The following GRAMD2A variants were observed in gnomAD, a reference collection of about 807,000 sequenced individuals.
GRAMD2A encodes GRAM domain-containing protein 2A.
A neutral mutation model predicts 51.1 loss-of-function variants in GRAMD2A; 37 were observed. That is an observed-to-expected ratio of 0.72 (90% confidence interval 0.56 to 0.95). GRAMD2A has a LOEUF of 0.95. Among genes scored for constraint, GRAMD2A ranks in the 40% least tolerant of loss-of-function variants. GRAMD2A has a pLI of 0.00. For missense variants in GRAMD2A, 414 were observed against 426.9 expected (o/e 0.97, Z 0.27); for synonymous variants, 136 against 157.1 (o/e 0.87, Z 1.01).
chr15:72,170,056 T>G lies in GRAMD2A; in HGVS notation c.42-117A>C, dbSNP rs2140548462. 1 of 786,572 alleles carries G rather than the reference T, an allele frequency of 1.3e-6. No homozygotes were observed. Among genetic ancestry groups the G allele is most frequent in the Non-Finnish European group, 2.3e-6 (1 of 433,710 alleles). The allele number at this position is 786,572 out of a possible 1,614,324, so 48.7% of individuals were successfully genotyped here. A position where few individuals can be genotyped will look rare whatever the true frequency, so the allele number is the denominator to read the frequency against. On this transcript the variant is annotated intron_variant, in intron 1 of 11. Transcript: ENST00000309731. This position sits in a 1 kb window ranked among gnomAD's most constrained non-coding sequence, Gnocchi z 4.5. ...CCCCACCCAAGACTGGCCCTGATAT[T>G]GAGGGTGACACTGAAAATGTCACAG...
intron 1 of GRAMD2A, among the ~76,000 whole-genome samples, chr15:72,189,829 T>G (rs1272167985): frequency 6.6e-6 from 1 of 152,200 alleles, no homozygotes; most frequent in Non-Finnish European, 1.5e-5. Flanking sequence ...GAGCAAGAAT[T>G]TGAACCCAGG....
intron 4 of GRAMD2A, among the ~76,000 whole-genome samples, chr15:72,168,096 C>T (rs1244544748): frequency 1.3e-5 from 2 of 152,188 alleles, no homozygotes; most frequent in African/African-American, 2.4e-5. Context: ...AGGGTCCAGG[C>T]AAGTTCCTGC....
At chr15:72,190,235 C>T (rs550894985) in intron 1 of GRAMD2A, among the ~76,000 whole-genome samples, 7 of 152,130 alleles carry the variant, frequency 4.6e-5, no homozygotes, top group East Asian at 1.9e-4. Flanking sequence ...AAAAAATAGC[C>T]GGGCGTGGTG....
At chr15:72,168,820 C>A in intron 3 of GRAMD2A, 119 bp downstream of exon 3, 1 of 922,126 alleles carries the variant, frequency 1.1e-6, no homozygotes, top group Non-Finnish European at 1.8e-6. Context: ...GGGATACACA[C>A]TCAGGTCTCC....
chr15:72,165,734 G>A (rs2081535638), intron 7 of GRAMD2A, among the ~76,000 whole-genome samples: 1 of 152,136 alleles, frequency 6.6e-6, no homozygotes, highest in African/African-American at 2.4e-5. Flanking sequence ...CCTGGACATA[G>A]AGACGGTCCC....
intron 1 of GRAMD2A, among the ~76,000 whole-genome samples, chr15:72,179,959 G>A (rs1228930993): frequency 6.6e-6 from 1 of 152,132 alleles, no homozygotes; most frequent in Non-Finnish European, 1.5e-5. Context: ...TCTACACCTG[G>A]GCCACACCCA....
At position 72,166,812 on chromosome 15, in the gene GRAMD2A, G is replaced by C. The variant is rs2081550971; in HGVS notation, c.472-109C>G. 2 of 1,046,992 alleles carry C rather than the reference G, an allele frequency of 1.9e-6. No individual in the cohort carries two copies. Among genetic ancestry groups the C allele is most frequent in the Non-Finnish European group, 2.9e-6 (2 of 679,682 alleles). 64.9% of individuals were successfully genotyped at this position (1,046,992 alleles called of 1,614,324 possible). A position where few individuals can be genotyped will look rare whatever the true frequency, so the allele number is the denominator to read the frequency against. On this transcript the variant is annotated intron_variant, in intron 6 of 11. Coordinates refer to ENST00000309731, the MANE Select transcript of GRAMD2A (RefSeq NM_001012642.3). The surrounding 1 kb of genome is among the most constrained non-coding windows in gnomAD (Gnocchi z 4.1). ...CAGGCCCACAGGGGTATCAGGCCAT[G>C]AGAGCCAACAGAAGCTCTGCCTAGG...
At chr15:72,169,368 G>T in intron 2 of GRAMD2A, 1 of 463,628 alleles carries the variant, frequency 2.2e-6, no homozygotes. Context: ...AGGCAGTGCT[G>T]GAATAGGGAC....
At position 72,170,687 on chromosome 15, in the gene GRAMD2A, C is replaced by T. The variant is rs907393791; in HGVS notation, c.42-748G>A. 9.2e-5 allele frequency among the ~76,000 whole-genome samples: 14 copies of T among 152,298 alleles called. No homozygotes were observed. The highest frequency in any genetic ancestry group is 3.4e-3 in the Middle Eastern group (1 of 294). ...AAAGAATCATTACCCTGTTCCTGCT[C>T]CTCCAGGCTACACATCAATAAAGCC... On this transcript the variant is annotated intron_variant, in intron 1 of 11. Coordinates refer to ENST00000309731, the MANE Select transcript of GRAMD2A (RefSeq NM_001012642.3). This position sits in a 1 kb window ranked among gnomAD's most constrained non-coding sequence, Gnocchi z 4.5.
At chr15:72,167,609 C>T in intron 5 of GRAMD2A, 127 bp downstream of exon 5, 1 of 757,996 alleles carries the variant, frequency 1.3e-6, no homozygotes, top group South Asian at 1.5e-5. Context: ...GCTGCGCATC[C>T]AACCAGCAAG....
intron 2 of GRAMD2A, 191 bp from the exon 3 acceptor site, chr15:72,169,187 G>A (rs1688851125): frequency 1.6e-6 from 1 of 615,640 alleles, no homozygotes; most frequent in Non-Finnish European, 2.9e-6. Context: ...TCATCCCTGG[G>A]GGAGGGCACT....
Position 72,197,745 on chromosome 15 carries a change from G to A in GRAMD2A, c.27C>T (p.Ala9=), listed in dbSNP as rs753469456. The change falls in exon 1 of 12, where the codon GCC becomes GCT. Residue 9 remains alanine, a synonymous_variant. Transcript: ENST00000309731. ...CAACCCCTTACCCGCCCTCCTCGGT[G>A]GCCTCGCTCCGGCTTAAAGCGGTCA... MTALSRSE[A]TEEGGNQQMH... The A allele has an allele frequency of 7.5e-7, 1 of 1,337,614 alleles. No homozygotes were observed. The allele number at this position is 1,337,614 out of a possible 1,614,324, so 82.9% of individuals were successfully genotyped here.
chr15:72,163,183 G>T, intron 10 of GRAMD2A, 83 bp downstream of exon 10: 3 of 937,798 alleles, frequency 3.2e-6, no homozygotes, highest in African/African-American at 1.6e-5. Context: ...TCTGAATAGT[G>T]AATTCCCCAC....
At position 72,193,232 on chromosome 15, in the gene GRAMD2A, C is replaced by CT. The variant is rs1233869892; in HGVS notation, c.41+4498dup. Among the ~76,000 whole-genome samples the CT allele has an allele frequency of 5.2e-3, 749 of 144,770 alleles. 2 individuals are homozygous for CT. Among genetic ancestry groups the CT allele is most frequent in the Non-Finnish European group, 7.9e-3 (520 of 65,648 alleles). 95.0% of individuals were successfully genotyped at this position (144,770 alleles called of 152,430 possible). A position where few individuals can be genotyped will look rare whatever the true frequency, so the allele number is the denominator to read the frequency against. ...AGTCCTAAATGATGACCAATCATTT[C>CT]TTTTTTTTTTTTCATTCTTGTTGCC... On this transcript the variant is annotated intron_variant, in intron 1 of 11. Transcript: ENST00000309731.
At chr15:72,164,191 A>G (rs1567080857) in intron 8 of GRAMD2A, among the ~76,000 whole-genome samples, 1 of 152,178 alleles carries the variant, frequency 6.6e-6, no homozygotes, top group Admixed American at 6.5e-5. Context: ...GGCACATGGT[A>G]TTATGCATAT....
At chr15:72,184,603 C>T (rs1452167043) in intron 1 of GRAMD2A, among the ~76,000 whole-genome samples, 1 of 152,240 alleles carries the variant, frequency 6.6e-6, no homozygotes, top group African/African-American at 2.4e-5. Flanking sequence ...CCTGCCAACT[C>T]GGCTCCCCCA....
At chr15:72,176,313 C>G (rs1596690428) in intron 1 of GRAMD2A, among the ~76,000 whole-genome samples, 1 of 152,350 alleles carries the variant, frequency 6.6e-6, no homozygotes, top group East Asian at 1.9e-4. Flanking sequence ...CAAATCTCAG[C>G]CGGGCCTGCG....
chr15:72,168,583 T>C lies in GRAMD2A; in HGVS notation c.193-17A>G. 6.2e-7 allele frequency: 1 copy of C among 1,610,268 alleles called. No homozygotes were observed. Among genetic ancestry groups the C allele is most frequent in the South Asian group, 1.1e-5 (1 of 90,992 alleles). ...CAGTGTTATCTGCAAACACACAGGC[T>C]GCGTCTGAGAAGCGCTGGGAGATGA... On this transcript the variant is annotated splice_polypyrimidine_tract_variant and intron_variant, in intron 3 of 11. Transcript: ENST00000309731.
chr15:72,170,990 G>C lies in GRAMD2A; in HGVS notation c.42-1051C>G, dbSNP rs908907035. ...AGATCTGCCAGGACCCTCAGAGATT[G>C]ATTCAGCCTCACCCGCTCCCACCAT... is the stretch of plus-strand genomic sequence containing the variant. On this transcript the variant is annotated intron_variant, in intron 1 of 11. Coordinates refer to ENST00000309731, the MANE Select transcript of GRAMD2A (RefSeq NM_001012642.3). This position sits in a 1 kb window ranked among gnomAD's most constrained non-coding sequence, Gnocchi z 4.5. 2.6e-5 allele frequency among the ~76,000 whole-genome samples: 4 copies of C among 152,174 alleles called. No individual in the cohort carries two copies. The highest frequency in any genetic ancestry group is 9.7e-5 in the African/African-American group (4 of 41,450).
Sources: gnomAD v4.1 joint callset for allele counts (sites outside exome capture counted in the v4.1 genomes callset) on GRCh38, gnomAD v4.1.1 for gene constraint, Gnocchi (gnomAD v3.1) non-coding constraint, MANE v1.5 for transcripts, NCBI Gene and HGNC (gene_info 2026-07-23, HGNC 2026-07-21) for gene names.